The following CNOT1 variants were observed in gnomAD, a reference collection of about 807,000 sequenced individuals.
The protein encoded by CNOT1 is CCR4-associated factor 1.
Under a neutral mutation model 273.8 loss-of-function variants are expected in CNOT1, and 15 were observed. The observed-to-expected ratio is 0.05, with a 90% CI of 0.04 to 0.08. The LOEUF (loss-of-function observed/expected upper bound fraction) is 0.08. Among genes scored for constraint, CNOT1 ranks in the 10% least tolerant of loss-of-function variants. The probability of loss-of-function intolerance (pLI) is 1.00; values close to 1 mark genes in which losing one functional copy is unlikely to be tolerated. For synonymous variants in CNOT1, 1,022 were observed against 1,005.5 expected (o/e 1.02, Z -0.31); for missense variants, 1,644 against 2,912.2 (o/e 0.56, Z 10.02).
At chr16:58,627,963 G>A (rs2043654139) in intron 1 of CNOT1, among the ~76,000 whole-genome samples, 1 of 152,142 alleles carries the variant, frequency 6.6e-6, no homozygotes, top group African/African-American at 2.4e-5. Flanking sequence ...AAGTAGCTGG[G>A]ATTACAGGCA....
At chr16:58,586,837 C>T in intron 6 of CNOT1, 89 bp from the exon 7 acceptor site, 1 of 1,380,742 alleles carries the variant, frequency 7.2e-7, no homozygotes, top group Non-Finnish European at 1.0e-6. Context: ...AGATAATCAC[C>T]CTTCTCATTC....
intron 10 of CNOT1, among the ~76,000 whole-genome samples, chr16:58,581,826 T>C (rs762426000): frequency 3.3e-5 from 5 of 152,080 alleles, no homozygotes; most frequent in Non-Finnish European, 7.4e-5. Context: ...CATGCCCAGG[T>C]AATTTTTTAA....
At chr16:58,600,682 G>C (rs1341319423) in intron 1 of CNOT1, among the ~76,000 whole-genome samples, 1 of 152,208 alleles carries the variant, frequency 6.6e-6, no homozygotes, top group Non-Finnish European at 1.5e-5. Flanking sequence ...CTGCATTGCT[G>C]AAACTGTTCC....
At chr16:58,605,901 C>T (rs746036517) in intron 1 of CNOT1, among the ~76,000 whole-genome samples, 2 of 152,164 alleles carry the variant, frequency 1.3e-5, no homozygotes, top group Non-Finnish European at 2.9e-5. Flanking sequence ...AGCGATCCCT[C>T]TGCCTAGGCC....
intron 30 of CNOT1, among the ~76,000 whole-genome samples, chr16:58,544,750 A>G (rs761000697): frequency 6.6e-6 from 1 of 152,256 alleles, no homozygotes; most frequent in Non-Finnish European, 1.5e-5. Context: ...TGTATTATAT[A>G]TTCTGTTAAG....
In CNOT1 at chr16:58,545,580, CTAAT is replaced by C; in HGVS notation, c.4007-93_4007-90del. ...CTTAATATCATTAAGTGGTCATTATCTAATTAAACGAATTAAATTGGGAGAGGAG... is the reference window on the plus strand; with the variant it reads ...CTTAATATCATTAAGTGGTCATTATCTAAACGAATTAAATTGGGAGAGGAG... On this transcript the variant is annotated intron_variant, in intron 29 of 48. Coordinates refer to ENST00000317147, the MANE Select transcript of CNOT1 (RefSeq NM_016284.5). 1.3e-6 allele frequency: 2 copies of C among 1,555,192 alleles called. 1 individual carries two copies. Among genetic ancestry groups the C allele is most frequent in the South Asian group, 2.4e-5 (2 of 82,130 alleles).
intron 1 of CNOT1, among the ~76,000 whole-genome samples, chr16:58,602,472 A>C (rs2042501893): frequency 1.4e-5 from 2 of 146,114 alleles, no homozygotes; most frequent in Admixed American, 1.4e-4. Context: ...AGAATTGCCT[A>C]AACCTGAGAG....
chr16:58,572,267 A>G (rs181380630), intron 16 of CNOT1, among the ~76,000 whole-genome samples: 1,940 of 151,292 alleles, frequency 0.013, 28 homozygotes, highest in Non-Finnish European at 0.018. Context: ...CTGGGCAACA[A>G]GAGCAAAACT....
At position 58,558,571 on chromosome 16, in the gene CNOT1, C is replaced by T; in HGVS notation, c.2234G>A (p.Ser745Asn). The change falls in exon 18 of 49, where the codon AGT becomes AAT. Residue 745 changes from serine (S) to asparagine (N), a missense_variant. Transcript: ENST00000317147. ...TGCTTTTGCTGGTGACTGAGGGGTA[C>T]TGAATGCAGAACCCAAATTTGGAGG... Reference protein sequence around the residue: ...GFPPNLGSAFSTPQSPAKAFP... With the variant: ...GFPPNLGSAFNTPQSPAKAFP... 1 of 1,613,390 alleles carries T rather than the reference C, an allele frequency of 6.2e-7. No homozygotes were observed. Among genetic ancestry groups the T allele is most frequent in the Non-Finnish European group, 8.5e-7 (1 of 1,179,680 alleles).
At chr16:58,543,113 C>T in intron 31 of CNOT1, 1 of 1,282,638 alleles carries the variant, frequency 7.8e-7, no homozygotes, top group Non-Finnish European at 9.9e-7. Flanking sequence ...AAAAAAAAGG[C>T]AAAAAACAAC....
intron 13 of CNOT1, among the ~76,000 whole-genome samples, chr16:58,578,415 T>G (rs1227354904): frequency 6.8e-6 from 1 of 146,626 alleles, no homozygotes; most frequent in African/African-American, 2.6e-5. Context: ...ACTGCACCAT[T>G]GCACTCCAGC....
At chr16:58,536,850 T>C (rs2039944863) in intron 39 of CNOT1, 139 bp downstream of exon 39, 2 of 1,342,118 alleles carry the variant, frequency 1.5e-6, no homozygotes, top group South Asian at 1.6e-5. Context: ...AATTTAACCA[T>C]ATAATGATGA....
chr16:58,593,913 A>G (rs936262528), intron 2 of CNOT1, among the ~76,000 whole-genome samples: 9 of 152,230 alleles, frequency 5.9e-5, no homozygotes, highest in Non-Finnish European at 5.9e-5. Context: ...TACATGCTAC[A>G]ATACAGATGA....
At chr16:58,592,878 C>T (rs2042110784) in intron 2 of CNOT1, among the ~76,000 whole-genome samples, 1 of 152,138 alleles carries the variant, frequency 6.6e-6, no homozygotes, top group African/African-American at 2.4e-5. Flanking sequence ...ATTTAAATAT[C>T]TGTGATTAAC....
chr16:58,592,340 T>C (rs1567430436), intron 2 of CNOT1, among the ~76,000 whole-genome samples: 1 of 148,086 alleles, frequency 6.8e-6, no homozygotes, highest in East Asian at 2.0e-4. Context: ...AAAACTGACT[T>C]AAAAAAAAAA....
In CNOT1 at chr16:58,520,858, T is replaced by C; in HGVS notation, c.*100A>G. ...GGCAGATACCCACAAACCAAAGGGC[T>C]GGGAAAGTCAGGAAGAGCTGAAAGG... On this transcript the variant is annotated 3_prime_UTR_variant, in exon 49 of 49. Coordinates refer to ENST00000317147, the MANE Select transcript of CNOT1 (RefSeq NM_016284.5). 1.6e-6 allele frequency: 2 copies of C among 1,258,256 alleles called. No individual in the cohort carries two copies. The highest frequency in any genetic ancestry group is 2.5e-5 in the South Asian group (2 of 81,178). The allele number at this position is 1,258,256 out of a possible 1,614,324, so 77.9% of individuals were successfully genotyped here.
chr16:58,536,872 T>C, intron 39 of CNOT1, 117 bp downstream of exon 39: 1 of 1,443,464 alleles, frequency 6.9e-7, no homozygotes, highest in Non-Finnish European at 9.2e-7. Flanking sequence ...AGTTTGGGTT[T>C]GCATGAGTAT....
intron 43 of CNOT1, 134 bp from the exon 44 acceptor site, chr16:58,528,782 G>A (rs958854965): frequency 1.9e-5 from 11 of 580,642 alleles, no homozygotes; most frequent in Non-Finnish European, 8.9e-6. Context: ...AAAGTTTTAG[G>A]CTTTAATTAA....
At chr16:58,545,275 G>A (rs1030195546) in intron 30 of CNOT1, 86 bp downstream of exon 30, 36 of 1,559,270 alleles carry the variant, frequency 2.3e-5, no homozygotes, top group Non-Finnish European at 3.0e-5. Context: ...CCAGAGGGAA[G>A]GGCAAAGAGC....
Sources: gnomAD v4.1 joint callset for allele counts (sites outside exome capture counted in the v4.1 genomes callset) on GRCh38, gnomAD v4.1.1 for gene constraint, MANE v1.5 for transcripts, NCBI Gene and HGNC (gene_info 2026-07-23, HGNC 2026-07-21) for gene names.